ZNF189: variants seen among roughly 807,000 people sequenced by gnomAD.
The protein encoded by ZNF189 is zinc finger protein 189.
A neutral mutation model predicts 53.5 loss-of-function variants in ZNF189; 33 were observed. The observed-to-expected ratio is 0.62, with a 90% CI of 0.47 to 0.82. ZNF189 has a LOEUF of 0.82. Among genes scored for constraint, ZNF189 ranks in the 40% least tolerant of loss-of-function variants. The pLI, the probability that ZNF189 is intolerant of heterozygous loss-of-function variation, is 0.00. For missense variants in ZNF189, 711 were observed against 753.9 expected, an observed-to-expected ratio of 0.94 and a Z score of 0.67; for synonymous variants, 247 against 238.8, an observed-to-expected ratio of 1.03 and a Z score of -0.32.
intron 2 of ZNF189, among the ~76,000 whole-genome samples, chr9:101,405,177 G>C (rs1830666882): frequency 6.6e-6 from 1 of 152,198 alleles, no homozygotes; most frequent in Non-Finnish European, 1.5e-5. Context: ...CAAAGAGCTT[G>C]ATTCGATCTT....
intron 2 of ZNF189, among the ~76,000 whole-genome samples, chr9:101,406,055 C>CAA (rs5899441): frequency 0.084 from 10,470 of 124,892 alleles, 482 homozygotes; most frequent in Middle Eastern, 0.15. Flanking sequence ...AACTCTGTCT[C>CAA]AAAAAAAAAA....
intron 2 of ZNF189, among the ~76,000 whole-genome samples, chr9:101,404,822 G>C (rs1401457118): frequency 1.3e-5 from 2 of 152,144 alleles, no homozygotes; most frequent in Non-Finnish European, 2.9e-5. Flanking sequence ...TTACAATCTA[G>C]TGGAAGAGAC....
chr9:101,401,945 C>T (rs1830552327), intron 2 of ZNF189, among the ~76,000 whole-genome samples: 1 of 151,488 alleles, frequency 6.6e-6, no homozygotes, highest in Non-Finnish European at 1.5e-5. Flanking sequence ...GTCATAGCCT[C>T]ATTCTGTTGC....
rs1588152100 is a variant in ZNF189 at position 101,399,051 on chromosome 9, A to C, written c.-106A>C. The C allele has an allele frequency of 2.4e-6, 2 of 828,090 alleles. No homozygotes were observed. The highest frequency in any genetic ancestry group is 2.8e-5 in the South Asian group (2 of 70,548). 51.3% of individuals were successfully genotyped at this position (828,090 alleles called of 1,614,324 possible). A position where few individuals can be genotyped will look rare whatever the true frequency, so the allele number is the denominator to read the frequency against. On this transcript the variant is annotated 5_prime_UTR_variant, in exon 1 of 3. Coordinates refer to ENST00000339664, the MANE Select transcript of ZNF189 (RefSeq NM_003452.4). ...AGGCACTGGCCAGACCCAGCCAGGG[A>C]TCCTCGTATTCGTCGAGCCTAATTT...
At position 101,409,065 on chromosome 9, in the gene ZNF189, A is replaced by G. The variant is rs1830833456; in HGVS notation, c.1297A>G (p.Thr433Ala). The G allele has an allele frequency of 6.2e-7, 1 of 1,613,992 alleles. No homozygotes were observed. The highest frequency in any genetic ancestry group is 1.3e-5 in the African/African-American group (1 of 75,004). Reference protein sequence around the residue: ...TREKTYPYNETKESFDPNCSL... With the variant: ...TREKTYPYNEAKESFDPNCSL... ...GGAGAAGACTTATCCATACAATGAA[A>G]CTAAGGAAAGTTTTGATCCAAATTG... The change falls in exon 3 of 3, where the codon ACT becomes GCT. Residue 433 changes from threonine (T) to alanine (A), a missense_variant. Physicochemically the swap from Thr to Ala is moderately conservative, Grantham distance 58 (BLOSUM62 0). Transcript: ENST00000339664.
At chr9:101,399,730 A>G (rs533587748) in intron 1 of ZNF189, among the ~76,000 whole-genome samples, 154 bp from the exon 2 acceptor site, 3 of 152,366 alleles carry the variant, frequency 2.0e-5, no homozygotes, top group African/African-American at 7.2e-5. Context: ...TGTCAGTTAC[A>G]GTTCGTTCCC....
At chr9:101,401,481 C>T (rs1439749645) in intron 2 of ZNF189, among the ~76,000 whole-genome samples, 3 of 152,082 alleles carry the variant, frequency 2.0e-5, no homozygotes, top group South Asian at 2.1e-4. Context: ...CCCTTGGTAC[C>T]CTTATTCTGA....
intron 2 of ZNF189, among the ~76,000 whole-genome samples, chr9:101,403,182 C>T (rs926123873): frequency 3.3e-4 from 50 of 151,674 alleles, no homozygotes; most frequent in Non-Finnish European, 2.6e-4. Flanking sequence ...ATATGGTATT[C>T]TGGTTGATAG....
intron 2 of ZNF189, among the ~76,000 whole-genome samples, chr9:101,402,701 A>T (rs1830579227): frequency 6.6e-6 from 1 of 152,162 alleles, no homozygotes; most frequent in African/African-American, 2.4e-5. Context: ...AACCTCACTG[A>T]TTACTGTGAG....
intron 1 of ZNF189, 26 bp downstream of exon 1, chr9:101,399,215 C>T (rs1830436908): frequency 6.4e-7 from 1 of 1,572,120 alleles, no homozygotes; most frequent in Non-Finnish European, 8.7e-7. Flanking sequence ...CCCGGGGATC[C>T]CGGTTGTCTC....
Position 101,399,087 on chromosome 9 carries a change from G to C in ZNF189, c.-70G>C. 2 of 1,068,550 alleles carry C rather than the reference G, an allele frequency of 1.9e-6. No individual in the cohort carries two copies. The highest frequency in any genetic ancestry group is 2.6e-5 in the South Asian group (2 of 77,940). The allele number at this position is 1,068,550 out of a possible 1,614,324, so 66.2% of individuals were successfully genotyped here. ...CGTCGAGCCTAATTTCCAGCAGCCG[G>C]GTAGGCCTCACCAGAGGCTCCTTTC... On this transcript the variant is annotated 5_prime_UTR_variant, in exon 1 of 3. Coordinates refer to ENST00000339664, the MANE Select transcript of ZNF189 (RefSeq NM_003452.4).
intron 2 of ZNF189, among the ~76,000 whole-genome samples, chr9:101,403,997 C>T (rs1191696242): frequency 6.6e-6 from 1 of 152,232 alleles, no homozygotes; most frequent in African/African-American, 2.4e-5. Context: ...TAGCTACCTT[C>T]CGAATAACTA....
At chr9:101,407,584 A>T (rs943126563) in intron 2 of ZNF189, 3 of 404,844 alleles carry the variant, frequency 7.4e-6, no homozygotes, top group Non-Finnish European at 1.3e-5. Flanking sequence ...TTTTGTAGAG[A>T]TGAAGTCTCA....
chr9:101,402,067 C>T (rs1032222429), intron 2 of ZNF189, among the ~76,000 whole-genome samples: 2 of 152,096 alleles, frequency 1.3e-5, no homozygotes, highest in African/African-American at 2.4e-5. Flanking sequence ...AGGCATGCAC[C>T]GCCACACCCA....
chr9:101,404,806 A>G lies in ZNF189; in HGVS notation c.161-3123A>G, dbSNP rs190212558. On this transcript the variant is annotated intron_variant, in intron 2 of 2. Transcript: ENST00000339664. ...ATTCTGAAGAGACTGCCTTCTCACA[A>G]AGAATTTACAATCTAGTGGAAGAGA... Among the ~76,000 whole-genome samples the G allele has an allele frequency of 2.4e-3, 358 of 152,330 alleles. 5 individuals carry two copies. The highest frequency in any genetic ancestry group is 8.2e-3 in the African/African-American group (343 of 41,576).
In ZNF189 at chr9:101,399,136, C is replaced by A; in HGVS notation, c.-21C>A. ...TCCGTGAGGCCGCCCCCAATTCCTG[C>A]CCCTATTCTCTGCCTGGGAGATGGC... On this transcript the variant is annotated 5_prime_UTR_variant, in exon 1 of 3. Transcript: ENST00000339664. The A allele has an allele frequency of 6.3e-7, 1 of 1,579,226 alleles. No individual in the cohort carries two copies. Among genetic ancestry groups the A allele is most frequent in the Non-Finnish European group, 8.7e-7 (1 of 1,148,898 alleles).
rs144768545 is a variant in ZNF189 at position 101,409,975 on chromosome 9, G to A, written c.*326G>A. The A allele has an allele frequency of 2.3e-3, 490 of 209,706 alleles. 3 individuals are homozygous for A. The highest frequency in any genetic ancestry group is 0.01 in the African/African-American group (446 of 43,190). The allele number at this position is 209,706 out of a possible 1,614,324, so 13.0% of individuals were successfully genotyped here. On this transcript the variant is annotated 3_prime_UTR_variant, in exon 3 of 3. Transcript: ENST00000339664. ...TAAGGGAGCTGGAGCAGCTGATAGTGGAAAACAGAATAATGATTCAAAGAG... is the reference window on the plus strand; with the variant it reads ...TAAGGGAGCTGGAGCAGCTGATAGTAGAAAACAGAATAATGATTCAAAGAG...
chr9:101,408,995 T>C lies in ZNF189; in HGVS notation c.1227T>C (p.Phe409=), dbSNP rs768948880. The C allele has an allele frequency of 8.1e-6, 13 of 1,613,986 alleles. No individual in the cohort carries two copies. Among genetic ancestry groups the C allele is most frequent in the Non-Finnish European group, 1.0e-5 (12 of 1,180,016 alleles). ...PHKCEECGKA[F]SRSSGLIQHQ... The stretch of plus-strand genomic sequence containing the variant: ...AATGTGAGGAATGTGGAAAAGCCTT[T>C]AGTAGAAGCTCAGGTCTTATTCAGC... Residue 409 remains phenylalanine (F), a synonymous_variant, in exon 3 of 3, where the codon TTT becomes TTC. Coordinates refer to ENST00000339664, the MANE Select transcript of ZNF189 (RefSeq NM_003452.4).
At chr9:101,400,659 G>A (rs112812611) in intron 2 of ZNF189, among the ~76,000 whole-genome samples, 30 of 152,138 alleles carry the variant, frequency 2.0e-4, no homozygotes, top group Admixed American at 1.3e-3. Flanking sequence ...ATTTTAACTC[G>A]TGCCATGGAT....
Sources: gnomAD v4.1 joint callset for allele counts (sites outside exome capture counted in the v4.1 genomes callset) on GRCh38, gnomAD v4.1.1 for gene constraint, MANE v1.5 for transcripts, NCBI Gene and HGNC (gene_info 2026-07-23, HGNC 2026-07-21) for gene names.